Variants in DNMBP observed in about 807,000 individuals in gnomAD.
DNMBP encodes dynamin binding protein.
DNMBP carries 87 observed loss-of-function variants against 150.0 expected under a neutral mutation model. That is an observed-to-expected ratio of 0.58 (90% CI 0.49 to 0.69). The LOEUF is 0.69. Ranked by LOEUF, DNMBP falls within the 30% of genes least tolerant of loss-of-function variation. The pLI, the probability that DNMBP is intolerant of heterozygous loss-of-function variation, is 0.00. For missense variants in DNMBP, 1,774 were observed against 1,949.0 expected, an observed-to-expected ratio of 0.91 and a Z score of 1.69; for synonymous variants, 711 against 750.4, an observed-to-expected ratio of 0.95 and a Z score of 0.86.
chr10:99,879,184 G>T lies in DNMBP; in HGVS notation c.4548+627C>A, dbSNP rs532180682. 2.0e-5 allele frequency among the ~76,000 whole-genome samples: 3 copies of T among 151,214 alleles called. No homozygotes were observed. The South Asian group carries it at 6.3e-4, about 32-fold the overall frequency. ...TACAAAGAGAATAGGAAAAACTGGGGCTGGGCACAATGGCTCACGCCTGTA... is the reference window on the plus strand; with the variant it reads ...TACAAAGAGAATAGGAAAAACTGGGTCTGGGCACAATGGCTCACGCCTGTA... On this transcript the variant is annotated intron_variant, in intron 16 of 16. Coordinates refer to ENST00000324109, the MANE Select transcript of DNMBP (RefSeq NM_015221.4).
intron 1 of DNMBP, among the ~76,000 whole-genome samples, chr10:99,990,965 CATA>C (rs1327684367): frequency 1.3e-5 from 2 of 151,908 alleles, no homozygotes; most frequent in Admixed American, 1.3e-4. Context: ...TTTATTGAGA[CATA>C]ATTCACATAC....
chr10:99,943,837 G>A (rs541145904), intron 4 of DNMBP, among the ~76,000 whole-genome samples: 1 of 152,288 alleles, frequency 6.6e-6, no homozygotes, highest in African/African-American at 2.4e-5. Context: ...GTATAAAGAC[G>A]TTATTGTTCC....
intron 3 of DNMBP, among the ~76,000 whole-genome samples, chr10:99,960,011 C>A (rs1167735150): frequency 6.6e-6 from 1 of 152,008 alleles, no homozygotes; most frequent in African/African-American, 2.4e-5. Flanking sequence ...AAAGAAGGTA[C>A]CAATAATCAC....
intron 3 of DNMBP, among the ~76,000 whole-genome samples, chr10:99,966,614 T>C (rs892564554): frequency 2.6e-5 from 4 of 152,204 alleles, no homozygotes; most frequent in African/African-American, 7.2e-5. Context: ...GGGAGAGCTA[T>C]GAGTAAGGAC....
In DNMBP at chr10:99,998,836, A is replaced by G. The variant is rs557810303; in HGVS notation, c.-11+11002T>C. On this transcript the variant is annotated intron_variant, in intron 1 of 16. Coordinates refer to ENST00000324109, the MANE Select transcript of DNMBP (RefSeq NM_015221.4). The stretch of plus-strand genomic sequence containing the variant: ...GAACCAAAAGGTCTATAAAACGGCA[A>G]AGGGAGGTGAAATACAGAAACCAAG... Among the ~76,000 whole-genome samples the G allele has an allele frequency of 4.3e-4, 66 of 152,296 alleles. 2 individuals are homozygous for G. Among genetic ancestry groups the G allele is most frequent in the African/African-American group, 1.6e-3 (66 of 41,568 alleles).
chr10:100,008,799 G>C (rs2041102237), intron 1 of DNMBP, among the ~76,000 whole-genome samples: 1 of 152,122 alleles, frequency 6.6e-6, no homozygotes, highest in African/African-American at 2.4e-5. Flanking sequence ...GTAATAAACG[G>C]AACACCAACT....
At position 99,956,102 on chromosome 10, in the gene DNMBP, T is replaced by C; in HGVS notation, c.1372A>G (p.Ser458Gly). The C allele has an allele frequency of 6.2e-7, 1 of 1,614,200 alleles. No homozygotes were observed. Among genetic ancestry groups the C allele is most frequent in the Non-Finnish European group, 8.5e-7 (1 of 1,180,026 alleles). The change falls in exon 4 of 17, where the codon AGC becomes GGC. Residue 458 changes from serine to glycine, a missense_variant. By Grantham distance (56) the Ser-to-Gly change is moderately conservative (BLOSUM62 0). This residue lies in a region of DNMBP where 1,430 missense variants were observed against 1,492.5 expected (regional missense o/e 0.96). Transcript: ENST00000324109. ...GAATACATTCTTTTGGGAGGTAGGCTGGCATAGTCTCTAGTCCTTGCTTCT... is the reference window on the plus strand; with the variant it reads ...GAATACATTCTTTTGGGAGGTAGGCCGGCATAGTCTCTAGTCCTTGCTTCT... ...PLEARTRDYA[S>G]LPPKRMYSQL...
intron 12 of DNMBP, 152 bp from the exon 13 acceptor site, chr10:99,886,784 TCTA>T (rs2039474095): frequency 4.6e-6 from 3 of 656,422 alleles, no homozygotes; most frequent in Non-Finnish European, 5.2e-6. Flanking sequence ...ACAACAGTAT[TCTA>T]CTAACCCATC....
chr10:99,941,380 G>C (rs1297571618), intron 4 of DNMBP, among the ~76,000 whole-genome samples: 2 of 152,104 alleles, frequency 1.3e-5, no homozygotes, highest in Non-Finnish European at 2.9e-5. Flanking sequence ...GTATTGATAT[G>C]ACCAGAAATG....
intron 4 of DNMBP, among the ~76,000 whole-genome samples, chr10:99,931,857 C>G (rs1447016338): frequency 6.6e-6 from 1 of 152,216 alleles, no homozygotes; most frequent in Non-Finnish European, 1.5e-5. Context: ...AGCAAAGTCC[C>G]TGGCATGGCA....
chr10:99,878,850 C>G (rs2805489), intron 16 of DNMBP, among the ~76,000 whole-genome samples: 76,342 of 151,762 alleles, frequency 0.5, 19,553 homozygotes, highest in Middle Eastern at 0.6. Flanking sequence ...ATATGGCCAG[C>G]TGTGGGTGGC....
chr10:99,931,171 AG>A (rs2040152906), intron 4 of DNMBP, among the ~76,000 whole-genome samples: 1 of 152,204 alleles, frequency 6.6e-6, no homozygotes, highest in Non-Finnish European at 1.5e-5. Flanking sequence ...AGTCCAGGTC[AG>A]GTCATATATC....
At chr10:99,927,029 G>A (rs2040086183) in intron 4 of DNMBP, 1 of 152,264 alleles carries the variant, frequency 6.6e-6, no homozygotes, top group African/African-American at 2.4e-5. Flanking sequence ...TCAGATGGAG[G>A]CCTCAGGAGA....
At chr10:99,951,050 G>A (rs2040416608) in intron 4 of DNMBP, among the ~76,000 whole-genome samples, 1 of 152,244 alleles carries the variant, frequency 6.6e-6, no homozygotes, top group Non-Finnish European at 1.5e-5. Context: ...TATGCTGTGT[G>A]CAGCCTAGGG....
At chr10:99,985,812 G>A (rs1228722710) in intron 1 of DNMBP, among the ~76,000 whole-genome samples, 2 of 152,268 alleles carry the variant, frequency 1.3e-5, no homozygotes, top group East Asian at 1.9e-4. Context: ...GTGCAGTGAC[G>A]CAATCTCAGC....
At chr10:99,969,826 T>C (rs1156684077) in intron 2 of DNMBP, among the ~76,000 whole-genome samples, 1 of 152,216 alleles carries the variant, frequency 6.6e-6, no homozygotes, top group East Asian at 1.9e-4. Flanking sequence ...GTCCATGCCA[T>C]CACCATCCCT....
chr10:99,882,088 G>T (rs572284889), intron 15 of DNMBP, among the ~76,000 whole-genome samples: 8 of 152,292 alleles, frequency 5.3e-5, no homozygotes, highest in African/African-American at 1.7e-4. Context: ...GTTGAACCTG[G>T]AGGACACGTT....
At chr10:100,008,700 T>C (rs1234889039) in intron 1 of DNMBP, among the ~76,000 whole-genome samples, 2 of 152,202 alleles carry the variant, frequency 1.3e-5, no homozygotes, top group Non-Finnish European at 2.9e-5. Flanking sequence ...AAGAGGACCT[T>C]AGAGATCCTT....
At chr10:99,970,742 G>A (rs555689539) in intron 2 of DNMBP, among the ~76,000 whole-genome samples, 1 of 152,064 alleles carries the variant, frequency 6.6e-6, no homozygotes, top group South Asian at 2.1e-4. Flanking sequence ...GGAGGCCGAG[G>A]CAGGCGGATC....
Sources: allele counts gnomAD v4.1 joint callset (sites outside exome capture counted in the v4.1 genomes callset), GRCh38; gene constraint gnomAD v4.1.1; regional missense constraint gnomAD v4.1.1; transcripts MANE v1.5; gene names NCBI Gene and HGNC (gene_info 2026-07-23, HGNC 2026-07-21).